Variants in KCNK5 observed in about 807,000 individuals in gnomAD.
KCNK5 encodes potassium channel subfamily K member 5.
A neutral mutation model predicts 32.9 loss-of-function variants in KCNK5; 18 were observed. That is an observed-to-expected ratio of 0.55 (90% CI 0.38 to 0.81). The LOEUF is 0.81. KCNK5 is among the 30% of genes least tolerant of loss of function. The pLI, the probability that KCNK5 is intolerant of heterozygous loss-of-function variation, is 0.00. For synonymous variants in KCNK5, 276 were observed against 275.3 expected (o/e 1.00, Z -0.03); for missense variants, 507 against 651.0 (o/e 0.78, Z 2.41).
intron 1 of KCNK5, among the ~76,000 whole-genome samples, chr6:39,211,828 G>A (rs931353891): frequency 5.3e-5 from 8 of 151,850 alleles, no homozygotes; most frequent in African/African-American, 1.9e-4. Context: ...GCTGGGCATG[G>A]TGGTGAATGC....
At chr6:39,205,182 T>G (rs553754207) in intron 1 of KCNK5, among the ~76,000 whole-genome samples, 1 of 152,232 alleles carries the variant, frequency 6.6e-6, no homozygotes, top group South Asian at 2.1e-4. Context: ...CAGCGTGAGC[T>G]CTCAGGCACC....
intron 1 of KCNK5, among the ~76,000 whole-genome samples, chr6:39,213,009 T>G (rs994346917): frequency 1.3e-5 from 2 of 152,186 alleles, no homozygotes; most frequent in Non-Finnish European, 2.9e-5. Flanking sequence ...TTGGTATCCT[T>G]GGAGGGGGAT....
Position 39,191,545 on chromosome 6 carries a change from C to T in KCNK5, c.845G>A (p.Ser282Asn), listed in dbSNP as rs1770935646. The change falls in exon 5 of 5, where the codon AGC becomes AAC. Residue 282 changes from serine to asparagine, a missense_variant. Ser to Asn is a conservative substitution (Grantham distance 46). Around this residue, in one of 6 missense-constraint regions of KCNK5, gnomAD observed 42 missense variants for 35.3 expected, o/e 1.19. Coordinates refer to ENST00000359534, the MANE Select transcript of KCNK5 (RefSeq NM_003740.4). This position sits in a 1 kb window ranked among gnomAD's most constrained non-coding sequence, Gnocchi z 5.8. ...GATGTTGACGTCCTTGGAGGCTGTG[C>T]TCCCCTTCACCTGCAGGGCCTTCCG... ...HSRKALQVKG[S>N]TASKDVNIFS... The T allele has an allele frequency of 1.9e-6, 3 of 1,614,016 alleles. No homozygotes were observed. The highest frequency in any genetic ancestry group is 2.2e-5 in the South Asian group (2 of 91,068).
At chr6:39,215,544 C>T (rs115981194) in intron 1 of KCNK5, among the ~76,000 whole-genome samples, 2,501 of 152,268 alleles carry the variant, frequency 0.016, 67 homozygotes, top group African/African-American at 0.057. Context: ...GCATTAGACA[C>T]AAAGGGTACC....
chr6:39,228,659 G>A (rs1376850612), intron 1 of KCNK5, among the ~76,000 whole-genome samples: 2 of 152,166 alleles, frequency 1.3e-5, no homozygotes, highest in East Asian at 3.9e-4. Flanking sequence ...AAACACCGTG[G>A]AGCCTAGTTC....
At chr6:39,208,861 T>C (rs1771276786) in intron 1 of KCNK5, among the ~76,000 whole-genome samples, 1 of 152,182 alleles carries the variant, frequency 6.6e-6, no homozygotes, top group Admixed American at 6.5e-5. Flanking sequence ...AGGCCGAAAC[T>C]GGCAGATCAT....
At chr6:39,227,948 C>A (rs1362390118) in intron 1 of KCNK5, among the ~76,000 whole-genome samples, 3 of 152,160 alleles carry the variant, frequency 2.0e-5, no homozygotes, top group African/African-American at 7.2e-5. Flanking sequence ...CAATCTAGAA[C>A]TTTCACCCAG....
chr6:39,190,684 A>G lies in KCNK5; in HGVS notation c.*206T>C, dbSNP rs754994351. On this transcript the variant is annotated 3_prime_UTR_variant, in exon 5 of 5. Transcript: ENST00000359534. ...GCTCAGGACAGATGCCCCCACAGCC[A>G]GGGTATGGTTCAGCTGGAGAACAGA... 1.0e-5 allele frequency: 5 copies of G among 482,504 alleles called. No individual in the cohort carries two copies. The highest frequency in any genetic ancestry group is 1.8e-5 in the Non-Finnish European group (5 of 281,366). 29.9% of individuals were successfully genotyped at this position (482,504 alleles called of 1,614,324 possible).
At chr6:39,207,092 C>T (rs1247910250) in intron 1 of KCNK5, among the ~76,000 whole-genome samples, 1 of 152,198 alleles carries the variant, frequency 6.6e-6, no homozygotes, top group East Asian at 1.9e-4. Context: ...CCCTCCGGCT[C>T]AGCAGTTCAC....
In KCNK5 at chr6:39,198,328, G is replaced by A. The variant is rs528667200; in HGVS notation, c.187-2341C>T. Among the ~76,000 whole-genome samples the A allele has an allele frequency of 2.0e-5, 3 of 152,192 alleles. No individual in the cohort carries two copies. In the South Asian group the frequency reaches 6.2e-4, roughly 32 times the overall value. On this transcript the variant is annotated intron_variant, in intron 1 of 4. Coordinates refer to ENST00000359534, the MANE Select transcript of KCNK5 (RefSeq NM_003740.4). Reference sequence around the variant, plus strand: ...CTGAGTCTCCACCATCATGCTTAAGGCCTGGTTTTCTTCAATATTTTAAAC... The same window carrying A: ...CTGAGTCTCCACCATCATGCTTAAGACCTGGTTTTCTTCAATATTTTAAAC...
rs908495487 is a variant in KCNK5 at position 39,190,786 on chromosome 6, G to A, written c.*104C>T. The A allele has an allele frequency of 3.3e-6, 4 of 1,221,834 alleles. No individual in the cohort carries two copies. The highest frequency in any genetic ancestry group is 3.2e-5 in the Admixed American group (1 of 30,966). The allele number at this position is 1,221,834 out of a possible 1,614,324, so 75.7% of individuals were successfully genotyped here. On this transcript the variant is annotated 3_prime_UTR_variant, in exon 5 of 5. Coordinates refer to ENST00000359534, the MANE Select transcript of KCNK5 (RefSeq NM_003740.4). The stretch of plus-strand genomic sequence containing the variant: ...CCCCTGGCCCCCCACTCCCAGTTCC[G>A]AGGCTGCCCCCCCACCAGGGGCCAG...
Position 39,194,283 on chromosome 6 carries a change from G to A in KCNK5, c.520C>T (p.His174Tyr). ...VIFIVWGVLV[H>Y]LVIPPFVFMV... ...AATACGAAGGGTGGGATCACCAGGT[G>A]GACTAGGACGCCCCACACGATGAAG... Residue 174 changes from histidine to tyrosine, a missense_variant, in exon 4 of 5, where the codon CAC (histidine) becomes TAC (tyrosine). His to Tyr is a moderately conservative substitution (Grantham distance 83). Coordinates refer to ENST00000359534, the MANE Select transcript of KCNK5 (RefSeq NM_003740.4). This position sits in a 1 kb window ranked among gnomAD's most constrained non-coding sequence, Gnocchi z 4.7. 1 of 1,614,034 alleles carries A rather than the reference G, an allele frequency of 6.2e-7. No homozygotes were observed. Among genetic ancestry groups the A allele is most frequent in the Non-Finnish European group, 8.5e-7 (1 of 1,179,956 alleles).
chr6:39,219,068 C>G (rs1222016580), intron 1 of KCNK5, among the ~76,000 whole-genome samples: 1 of 152,132 alleles, frequency 6.6e-6, no homozygotes, highest in African/African-American at 2.4e-5. Flanking sequence ...GTCTCAAGTT[C>G]CTTGAAAGCA....
intron 1 of KCNK5, among the ~76,000 whole-genome samples, chr6:39,217,482 T>A (rs1771463551): frequency 6.6e-6 from 1 of 152,228 alleles, no homozygotes; most frequent in Admixed American, 6.5e-5. Flanking sequence ...ATCTCTTCTT[T>A]GGGGCACTGC....
At chr6:39,204,690 T>G (rs544978621) in intron 1 of KCNK5, among the ~76,000 whole-genome samples, 2 of 152,232 alleles carry the variant, frequency 1.3e-5, no homozygotes, top group Non-Finnish European at 2.9e-5. Context: ...TCAAACGCAC[T>G]GCCCTAGATC....
In KCNK5 at chr6:39,215,971, A is replaced by G. The variant is rs1474942388; in HGVS notation, c.186+12955T>C. 2.0e-5 allele frequency among the ~76,000 whole-genome samples: 3 copies of G among 152,208 alleles called. No homozygotes were observed. The East Asian group carries it at 5.8e-4, about 29-fold the overall frequency. The stretch of plus-strand genomic sequence containing the variant: ...TCTGAGCTGTGGCAGCCACTTATAT[A>G]GCCAAAATGTCAAACAAAACTATAT... On this transcript the variant is annotated intron_variant, in intron 1 of 4. Transcript: ENST00000359534.
chr6:39,211,905 A>T (rs1046637431), intron 1 of KCNK5, among the ~76,000 whole-genome samples: 1 of 152,174 alleles, frequency 6.6e-6, no homozygotes, highest in African/African-American at 2.4e-5. Context: ...CGGAGGTTGC[A>T]GTGAGCTGAG....
Position 39,191,611 on chromosome 6 carries a change from C to T in KCNK5, c.779G>A (p.Arg260Gln), listed in dbSNP as rs575373077. The T allele has an allele frequency of 1.5e-5, 24 of 1,614,024 alleles. No individual in the cohort carries two copies. Among genetic ancestry groups the T allele is most frequent in the Non-Finnish European group, 1.8e-5 (21 of 1,180,010 alleles). The change falls in exon 5 of 5, where the codon CGG becomes CAG. Residue 260 changes from arginine (R) to glutamine (Q), a missense_variant. Transcript: ENST00000359534. This position sits in a 1 kb window ranked among gnomAD's most constrained non-coding sequence, Gnocchi z 5.8. The stretch of plus-strand genomic sequence containing the variant: ...CTCAAAGGACTCCTTCCGTCGCCGC[C>T]GCCGCTTCTTAATGGCTTTGTGGAC... ...VEVHKAIKKR[R>Q]RRRKESFESS... is the part of the protein sequence containing the mutation.
chr6:39,218,180 C>T (rs1771473975), intron 1 of KCNK5, among the ~76,000 whole-genome samples: 1 of 151,148 alleles, frequency 6.6e-6, no homozygotes, highest in South Asian at 2.1e-4. Flanking sequence ...AAGCGATTCT[C>T]CTGCCTCAGC....
Sources: allele counts gnomAD v4.1 joint callset (sites outside exome capture counted in the v4.1 genomes callset), GRCh38; gene constraint gnomAD v4.1.1; regional missense constraint gnomAD v4.1.1; non-coding constraint Gnocchi (gnomAD v3.1); transcripts MANE v1.5; gene names NCBI Gene and HGNC (gene_info 2026-07-23, HGNC 2026-07-21).